USP34: variants seen among roughly 807,000 people sequenced by gnomAD.
The protein encoded by USP34 is ubiquitin carboxyl-terminal hydrolase 34.
USP34 carries 70 observed loss-of-function variants against 460.3 expected under a neutral mutation model. The ratio of observed to expected loss-of-function variants is 0.15; its 90% CI spans 0.13 to 0.19. The LOEUF (loss-of-function observed/expected upper bound fraction) is 0.19. Ranked by LOEUF, USP34 falls within the 10% of genes least tolerant of loss-of-function variation. The pLI is 1.00. For synonymous variants in USP34, 1,647 were observed against 1,405.3 expected (o/e 1.17, Z -3.85); for missense variants, 3,985 against 4,236.2 (o/e 0.94, Z 1.65).
chr2:61,194,852 C>T (rs1198706936), intron 75 of USP34, among the ~76,000 whole-genome samples: 2 of 151,738 alleles, frequency 1.3e-5, no homozygotes, highest in African/African-American at 4.8e-5. Context: ...ACTTGGGAGG[C>T]TGACGCAGGA....
intron 72 of USP34, 66 bp from the exon 73 acceptor site, chr2:61,204,667 C>T (rs959657553): frequency 7.9e-7 from 1 of 1,269,312 alleles, no homozygotes; most frequent in Non-Finnish European, 1.1e-6. Flanking sequence ...TACTTTCCAT[C>T]TTACAAATCC....
chr2:61,345,179 C>A (rs373648137), intron 15 of USP34, among the ~76,000 whole-genome samples: 1 of 151,790 alleles, frequency 6.6e-6, no homozygotes, highest in African/African-American at 2.4e-5. Context: ...GAGGCTGAGG[C>A]AGGAGAACCA....
At chr2:61,466,632 C>T (rs960094208) in intron 1 of USP34, among the ~76,000 whole-genome samples, 4 of 152,192 alleles carry the variant, frequency 2.6e-5, no homozygotes, top group Admixed American at 6.5e-5. Context: ...AATTTTTAGG[C>T]CAGGCATGCT....
chr2:61,232,005 T>C (rs956144555), intron 58 of USP34, among the ~76,000 whole-genome samples: 1 of 152,014 alleles, frequency 6.6e-6, no homozygotes, highest in Non-Finnish European at 1.5e-5. Context: ...TCATTGTCTA[T>C]TTTACCCAAC....
chr2:61,197,747 G>GT (rs769419436), intron 75 of USP34, among the ~76,000 whole-genome samples: 14 of 151,978 alleles, frequency 9.2e-5, no homozygotes, highest in Non-Finnish European at 1.5e-4. Flanking sequence ...ACATGTGCAT[G>GT]TCACCAAGCC....
At chr2:61,422,290 G>C (rs1336536018) in intron 1 of USP34, among the ~76,000 whole-genome samples, 1 of 152,150 alleles carries the variant, frequency 6.6e-6, no homozygotes, top group Non-Finnish European at 1.5e-5. Flanking sequence ...TAAAAACAGA[G>C]GGAAGAGTGG....
At chr2:61,386,404 A>C (rs1301884907) in intron 5 of USP34, among the ~76,000 whole-genome samples, 7 of 152,198 alleles carry the variant, frequency 4.6e-5, no homozygotes, top group Non-Finnish European at 1.0e-4. Context: ...TATAAATAAA[A>C]ATGTATTGCA....
intron 10 of USP34, among the ~76,000 whole-genome samples, chr2:61,363,017 A>G (rs940656942): frequency 9.9e-5 from 15 of 152,202 alleles, no homozygotes; most frequent in African/African-American, 3.6e-4. Context: ...AAAGAAAACC[A>G]AACAAAACCC....
chr2:61,307,669 CTT>C (rs530913558), intron 27 of USP34, among the ~76,000 whole-genome samples: 2 of 151,808 alleles, frequency 1.3e-5, no homozygotes, highest in African/African-American at 4.8e-5. Flanking sequence ...TTTAGAGAAA[CTT>C]TTTTCTAGAC....
chr2:61,391,540 C>G (rs1693346723), intron 5 of USP34, among the ~76,000 whole-genome samples: 1 of 152,132 alleles, frequency 6.6e-6, no homozygotes, highest in South Asian at 2.1e-4. Context: ...GCCCTAAAAT[C>G]TAATACTATT....
At chr2:61,470,383 G>A (rs772493406) in intron 1 of USP34, among the ~76,000 whole-genome samples, 13 of 152,102 alleles carry the variant, frequency 8.5e-5, no homozygotes, top group Non-Finnish European at 1.2e-4. Context: ...CCTGTAATGA[G>A]GAAACTTTCC....
intron 21 of USP34, among the ~76,000 whole-genome samples, chr2:61,321,868 T>A (rs79921503): frequency 6.6e-6 from 1 of 152,180 alleles, no homozygotes; most frequent in African/African-American, 2.4e-5. Flanking sequence ...AAATAGAGTG[T>A]ATACCATGTT....
At chr2:61,401,959 G>C (rs1204872651) in intron 3 of USP34, among the ~76,000 whole-genome samples, 2 of 151,256 alleles carry the variant, frequency 1.3e-5, no homozygotes, top group African/African-American at 4.9e-5. Context: ...GATAAAAAAT[G>C]CAACTAGCAT....
intron 1 of USP34, among the ~76,000 whole-genome samples, chr2:61,437,859 T>TAC (rs1218396504): frequency 6.6e-6 from 1 of 151,172 alleles, no homozygotes; most frequent in Non-Finnish European, 1.5e-5. Flanking sequence ...ATTGAATCAG[T>TAC]AACAAAAAGT....
At chr2:61,214,819 C>G in intron 67 of USP34, 125 bp from the exon 68 acceptor site, 1 of 1,113,346 alleles carries the variant, frequency 9.0e-7, no homozygotes, top group Non-Finnish European at 1.2e-6. Context: ...ACATGAACAT[C>G]TCTTTTAGTA....
chr2:61,198,022 G>A (rs138732052), intron 75 of USP34, among the ~76,000 whole-genome samples: 1,647 of 152,310 alleles, frequency 0.011, 7 homozygotes, highest in Non-Finnish European at 0.017. Flanking sequence ...GCCTCCCAAA[G>A]TGCTGGGATT....
chr2:61,276,773 A>G (rs1280058999), intron 41 of USP34, among the ~76,000 whole-genome samples: 1 of 152,214 alleles, frequency 6.6e-6, no homozygotes, highest in East Asian at 1.9e-4. Context: ...ACCTGAAAGA[A>G]ATAGCACAAG....
intron 57 of USP34, 138 bp from the exon 58 acceptor site, chr2:61,232,670 A>G (rs1263766091): frequency 2.8e-6 from 2 of 708,352 alleles, no homozygotes; most frequent in Non-Finnish European, 4.7e-6. Context: ...TCTAATTGTC[A>G]TAAAAGTCAA....
chr2:61,347,266 A>G (rs1375041919), intron 15 of USP34, among the ~76,000 whole-genome samples: 3 of 152,242 alleles, frequency 2.0e-5, no homozygotes, highest in African/African-American at 2.4e-5. Context: ...TTGGTAAGAA[A>G]AAAAGGAAGG....
Sources: allele counts gnomAD v4.1 joint callset (sites outside exome capture counted in the v4.1 genomes callset), GRCh38; gene constraint gnomAD v4.1.1; transcripts MANE v1.5; gene names NCBI Gene and HGNC (gene_info 2026-07-23, HGNC 2026-07-21).